Variants in CLPP observed in about 807,000 individuals in gnomAD.
CLPP encodes ATP-dependent Clp protease proteolytic subunit, mitochondrial.
A neutral mutation model predicts 27.4 loss-of-function variants in CLPP; 14 were observed. That is an observed-to-expected ratio of 0.51 (90% CI 0.34 to 0.80). The LOEUF (loss-of-function observed/expected upper bound fraction) is 0.80, where lower values mean the gene tolerates loss of function less well. Among genes scored for constraint, CLPP ranks in the 30% least tolerant of loss-of-function variants. The probability of loss-of-function intolerance (pLI) is 0.02; values close to 1 mark genes in which losing one functional copy is unlikely to be tolerated. For missense variants in CLPP, 361 were observed against 403.6 expected, an observed-to-expected ratio of 0.89 and a Z score of 0.90; for synonymous variants, 193 against 166.6, an observed-to-expected ratio of 1.16 and a Z score of -1.22.
chr19:6,361,806 C>A, intron 1 of CLPP, 34 bp downstream of exon 1: 1 of 1,572,040 alleles, frequency 6.4e-7, no homozygotes, highest in South Asian at 1.1e-5. Flanking sequence ...GGTTCGGGGG[C>A]TCCGGGCTGG....
intron 3 of CLPP, among the ~76,000 whole-genome samples, chr19:6,363,381 C>T (rs1390259611): frequency 6.6e-6 from 1 of 152,058 alleles, no homozygotes; most frequent in Non-Finnish European, 1.5e-5. Context: ...CCTCAGCCTC[C>T]CAAAGTGCTG....
In CLPP at chr19:6,369,430, CAAAA is replaced by C. The variant is rs757069589; in HGVS notation, c.*722_*725del. 7.2e-6 allele frequency among the ~76,000 whole-genome samples: 1 copy of C among 138,050 alleles called. No homozygotes were observed. Among genetic ancestry groups the C allele is most frequent in the Non-Finnish European group, 1.5e-5 (1 of 64,830 alleles). The allele number at this position is 138,050 out of a possible 152,430, so 90.6% of individuals were successfully genotyped here. A position where few individuals can be genotyped will look rare whatever the true frequency, so the allele number is the denominator to read the frequency against. ...GCTCTGTCTCAAAAAAAAAAAAAAACAAAAACAGGAAAGGTGGCATGCAAGTGTG... is the reference window on the plus strand; with the variant it reads ...GCTCTGTCTCAAAAAAAAAAAAAAACACAGGAAAGGTGGCATGCAAGTGTG... On this transcript the variant is annotated 3_prime_UTR_variant, in exon 6 of 6. Coordinates refer to ENST00000245816, the MANE Select transcript of CLPP (RefSeq NM_006012.4).
At chr19:6,366,819 C>T (rs560139012) in intron 5 of CLPP, among the ~76,000 whole-genome samples, 3 of 151,942 alleles carry the variant, frequency 2.0e-5, no homozygotes, top group South Asian at 2.1e-4. Context: ...TTTGTAGAGA[C>T]GTGGTTTCAC....
intron 4 of CLPP, among the ~76,000 whole-genome samples, chr19:6,365,964 C>A (rs77267680): frequency 5.4e-5 from 8 of 148,642 alleles, no homozygotes; most frequent in African/African-American, 7.5e-5. Context: ...AAAAAAAAAA[C>A]AAAAAACAAA....
Position 6,361,859 on chromosome 19 carries a change from C to G in CLPP, c.199-10C>G. The G allele has an allele frequency of 6.3e-7, 1 of 1,596,558 alleles. No individual in the cohort carries two copies. The highest frequency in any genetic ancestry group is 8.5e-7 in the Non-Finnish European group (1 of 1,178,492). ...GCCCCGGCCCCTCACCTCCATCTTT[C>G]TACCCCCAGGGTCGCGGCGAGCGCG... On this transcript the variant is annotated splice_polypyrimidine_tract_variant and intron_variant, in intron 1 of 5. Coordinates refer to ENST00000245816, the MANE Select transcript of CLPP (RefSeq NM_006012.4).
At chr19:6,367,142 C>T (rs551435512) in intron 5 of CLPP, among the ~76,000 whole-genome samples, 4 of 151,722 alleles carry the variant, frequency 2.6e-5, no homozygotes, top group African/African-American at 7.2e-5. Flanking sequence ...TTTGGGAGGC[C>T]GAGGTGGGCG....
chr19:6,370,041 C>A lies in CLPP; in HGVS notation c.*1331C>A, dbSNP rs1429947244. Among the ~76,000 whole-genome samples, 1 of 152,134 alleles carries A rather than the reference C, an allele frequency of 6.6e-6. No individual in the cohort carries two copies. Among genetic ancestry groups the A allele is most frequent in the South Asian group, 2.1e-4 (1 of 4,832 alleles). On this transcript the variant is annotated 3_prime_UTR_variant, in exon 6 of 6. Transcript: ENST00000245816. Reference sequence around the variant, plus strand: ...CAGATTCTAGCTAGGTGGGATGTGACAGAGAGCAGTTTCCAGAAACTCCGA... The same window carrying A: ...CAGATTCTAGCTAGGTGGGATGTGAAAGAGAGCAGTTTCCAGAAACTCCGA...
rs1256312764 is a variant in CLPP, at chr19:6,361,737, G to T, written c.163G>T (p.Ala55Ser). 6.6e-7 allele frequency: 1 copy of T among 1,515,378 alleles called. No homozygotes were observed. The highest frequency in any genetic ancestry group is 2.0e-5 in the Admixed American group (1 of 49,054). The allele number at this position is 1,515,378 out of a possible 1,614,324, so 93.9% of individuals were successfully genotyped here. The change falls in exon 1 of 6, where the codon GCT becomes TCT. Residue 55 changes from alanine to serine, a missense_variant. Transcript: ENST00000245816. ...GTGCCTGCACGCGACGGCGACCCGG[G>T]CTCTCCCGCTCATTCCCATCGTGGT... ...QRCLHATATR[A>S]LPLIPIVVEQ...
chr19:6,361,604 C>G lies in CLPP; in HGVS notation c.30C>G (p.Ala10=). The change falls in exon 1 of 6, where the codon GCC becomes GCG. Residue 10 remains alanine (A), a synonymous_variant. Transcript: ENST00000245816. ...GGCCCGGAATATTGGTAGGGGGGGC[C>G]CGGGTGGCGTCATGCAGGTACCCCG... is the stretch of plus-strand genomic sequence containing the variant. MWPGILVGG[A]RVASCRYPAL... The G allele has an allele frequency of 7.1e-7, 1 of 1,413,600 alleles. No individual in the cohort carries two copies. The highest frequency in any genetic ancestry group is 2.9e-5 in the East Asian group (1 of 34,942). The allele number at this position is 1,413,600 out of a possible 1,614,324, so 87.6% of individuals were successfully genotyped here.
Position 6,370,236 on chromosome 19 carries a change from C to T in CLPP, c.*1526C>T, listed in dbSNP as rs2091881413. 6.6e-6 allele frequency among the ~76,000 whole-genome samples: 1 copy of T among 152,194 alleles called. No individual in the cohort carries two copies. On this transcript the variant is annotated 3_prime_UTR_variant, in exon 6 of 6. Coordinates refer to ENST00000245816, the MANE Select transcript of CLPP (RefSeq NM_006012.4). ...GAGGTTGAAATAAAAACGTAGGTGT[C>T]ATCGGCCGGGCGCGGTGGCTCACGC...
In CLPP at chr19:6,369,322, A is replaced by G. The variant is rs1396575700; in HGVS notation, c.*612A>G. On this transcript the variant is annotated 3_prime_UTR_variant, in exon 6 of 6. Transcript: ENST00000245816. ...TCCCAGCTACTCCGGAGGCTGAGGC[A>G]GAAGAATTGCTTGAACTTAGGAGGT... 6.6e-6 allele frequency among the ~76,000 whole-genome samples: 1 copy of G among 151,988 alleles called. No individual in the cohort carries two copies. The highest frequency in any genetic ancestry group is 6.6e-5 in the Admixed American group (1 of 15,242).
chr19:6,364,311 T>G, intron 3 of CLPP, 141 bp from the exon 4 acceptor site: 1 of 760,556 alleles, frequency 1.3e-6, no homozygotes, highest in Non-Finnish European at 2.1e-6. Context: ...ATTGCAGGCA[T>G]GAGCCACAGC....
At chr19:6,364,229 A>G (rs990797188) in intron 3 of CLPP, among the ~76,000 whole-genome samples, 12 of 151,788 alleles carry the variant, frequency 7.9e-5, no homozygotes, top group African/African-American at 2.9e-4. Context: ...ACGGGGTTTC[A>G]CTGTGTTAGC....
chr19:6,368,574 T>C lies in CLPP; in HGVS notation c.698T>C (p.Met233Thr). Residue 233 changes from methionine (M) to threonine (T), a missense_variant, in exon 6 of 6, where the codon ATG becomes ACG. By Grantham distance (81) the Met-to-Thr change is moderately conservative. Transcript: ENST00000245816. ...AMERDRYMSP[M>T]EAQEFGILDK... Reference sequence around the variant, plus strand: ...GAGAGGGACCGCTACATGAGCCCCATGGAGGCCCAGGAGTTTGGCATCTTA... The same window carrying C: ...GAGAGGGACCGCTACATGAGCCCCACGGAGGCCCAGGAGTTTGGCATCTTA... 6 of 1,614,062 alleles carry C rather than the reference T, an allele frequency of 3.7e-6. No homozygotes were observed. The highest frequency in any genetic ancestry group is 5.1e-6 in the Non-Finnish European group (6 of 1,180,016).
intron 3 of CLPP, 92 bp from the exon 4 acceptor site, chr19:6,364,360 C>T: frequency 8.5e-7 from 1 of 1,182,294 alleles, no homozygotes; most frequent in South Asian, 1.4e-5. Context: ...AGGGGGGCTG[C>T]ATCTGTTCCA....
chr19:6,367,679 G>A (rs771714200), intron 5 of CLPP, among the ~76,000 whole-genome samples: 32 of 151,460 alleles, frequency 2.1e-4, no homozygotes, highest in Non-Finnish European at 3.7e-4. Flanking sequence ...AGACATTTAC[G>A]AATCATGCCC....
In CLPP at chr19:6,361,702, C is replaced by T. The variant is rs1288425381; in HGVS notation, c.128C>T (p.Ala43Val). Residue 43 changes from alanine (A) to valine (V), a missense_variant, in exon 1 of 6, where the codon GCC (alanine) becomes GTC (valine). Around this residue, in one of 2 missense-constraint regions of CLPP, gnomAD observed 148 missense variants for 122.6 expected, o/e 1.21. Coordinates refer to ENST00000245816, the MANE Select transcript of CLPP (RefSeq NM_006012.4). ...CAGCGGACACTCCAGAACGGCCTGG[C>T]CCTGCAGCGGTGCCTGCACGCGACG... ...PPQRTLQNGL[A>V]LQRCLHATAT... 6 of 1,502,368 alleles carry T rather than the reference C, an allele frequency of 4.0e-6. No homozygotes were observed. The highest frequency in any genetic ancestry group is 5.3e-6 in the Non-Finnish European group (6 of 1,128,472). The allele number at this position is 1,502,368 out of a possible 1,614,324, so 93.1% of individuals were successfully genotyped here.
In CLPP at chr19:6,362,598, CAG is replaced by C. The variant is rs1423192602; in HGVS notation, c.367+57_367+58del. The C allele has an allele frequency of 2.0e-5, 24 of 1,186,420 alleles. 1 individual carries two copies. In the East Asian group the frequency reaches 4.2e-4, roughly 21 times the overall value. The allele number at this position is 1,186,420 out of a possible 1,614,324, so 73.5% of individuals were successfully genotyped here. A position where few individuals can be genotyped will look rare whatever the true frequency, so the allele number is the denominator to read the frequency against. ...CACTCGTCAGGGCACACGGGTGACT[CAG>C]GGGACCAGAATCCCGGGTCAGGGAT... On this transcript the variant is annotated intron_variant, in intron 3 of 5. Coordinates refer to ENST00000245816, the MANE Select transcript of CLPP (RefSeq NM_006012.4).
rs1252361067 is a variant in CLPP, at chr19:6,364,556, C to A, written c.472C>A (p.Leu158Ile). ...CCAGGCCGCCAGCATGGGCTCCCTG[C>A]TTCTCGCCGCCGGCACCCCAGGCAT... Reference protein sequence around the residue: ...VGQAASMGSLLLAAGTPGMRH... With the variant: ...VGQAASMGSLILAAGTPGMRH... The change falls in exon 4 of 6, where the codon CTT (leucine) becomes ATT (isoleucine). Residue 158 changes from leucine to isoleucine, a missense_variant. Coordinates refer to ENST00000245816, the MANE Select transcript of CLPP (RefSeq NM_006012.4). 4 of 1,613,206 alleles carry A rather than the reference C, an allele frequency of 2.5e-6. No homozygotes were observed. Among genetic ancestry groups the A allele is most frequent in the Non-Finnish European group, 3.4e-6 (4 of 1,179,898 alleles).
Sources: allele counts gnomAD v4.1 joint callset (sites outside exome capture counted in the v4.1 genomes callset), GRCh38; gene constraint gnomAD v4.1.1; regional missense constraint gnomAD v4.1.1; transcripts MANE v1.5; gene names NCBI Gene and HGNC (gene_info 2026-07-23, HGNC 2026-07-21).